UNC5C: variants seen among roughly 807,000 people sequenced by gnomAD.
UNC5C encodes the protein netrin receptor UNC5C.
UNC5C carries 47 observed loss-of-function variants against 99.8 expected under a neutral mutation model. The observed-to-expected ratio is 0.47, with a 90% CI of 0.37 to 0.60. The LOEUF (loss-of-function observed/expected upper bound fraction) is 0.60, where lower values mean the gene tolerates loss of function less well. Among genes scored for constraint, UNC5C ranks in the 20% least tolerant of loss-of-function variants. UNC5C has a pLI of 0.00. For synonymous variants in UNC5C, 487 were observed against 452.2 expected, an observed-to-expected ratio of 1.08 and a Z score of -0.98; for missense variants, 1,062 against 1,165.9, an observed-to-expected ratio of 0.91 and a Z score of 1.30.
At chr4:95,392,429 CATTTTT>C (rs1560816452) in intron 1 of UNC5C, among the ~76,000 whole-genome samples, 80 of 115,336 alleles carry the variant, frequency 6.9e-4, no homozygotes, top group Middle Eastern at 4.0e-3. Context: ...AGTATCAAAA[CATTTTT>C]TTTTTTTTTA....
At chr4:95,316,787 C>T (rs1220866349) in intron 2 of UNC5C, among the ~76,000 whole-genome samples, 1 of 152,032 alleles carries the variant, frequency 6.6e-6, no homozygotes, top group Non-Finnish European at 1.5e-5. Flanking sequence ...AAATGTCAAT[C>T]CATCCCACCT....
intron 1 of UNC5C, among the ~76,000 whole-genome samples, chr4:95,448,219 T>TGAGA (rs1747167365): frequency 1.0e-3 from 99 of 98,770 alleles, no homozygotes; most frequent in African/African-American, 3.5e-3. Flanking sequence ...TGTGTGTGTG[T>TGAGA]GTGTGTGTGA....
chr4:95,198,970 G>A (rs892238661), intron 12 of UNC5C, among the ~76,000 whole-genome samples: 1 of 152,120 alleles, frequency 6.6e-6, no homozygotes, highest in African/African-American at 2.4e-5. Context: ...AAAATAAAAT[G>A]CCCCAATACC....
At chr4:95,437,385 A>G (rs1005830175) in intron 1 of UNC5C, among the ~76,000 whole-genome samples, 6 of 151,980 alleles carry the variant, frequency 3.9e-5, no homozygotes, top group Non-Finnish European at 8.8e-5. Context: ...ATTAAGACCA[A>G]TAATTCCATT....
rs1736023992 is a variant in UNC5C, at chr4:95,170,002, A to G, written c.2630+152T>C. ...TCTTTGCAAGCCCGTAGTGCAAGGT[A>G]CAAGGACAGAGCTTAATGCATATTT... On this transcript the variant is annotated intron_variant, in intron 15 of 15. Coordinates refer to ENST00000453304, the MANE Select transcript of UNC5C (RefSeq NM_003728.4). 7 of 962,364 alleles carry G rather than the reference A, an allele frequency of 7.3e-6. No homozygotes were observed. In the East Asian group the frequency reaches 1.0e-4, roughly 14 times the overall value. The allele number at this position is 962,364 out of a possible 1,614,324, so 59.6% of individuals were successfully genotyped here.
At chr4:95,360,727 CTCT>C (rs1033291068) in intron 1 of UNC5C, among the ~76,000 whole-genome samples, 3 of 152,168 alleles carry the variant, frequency 2.0e-5, no homozygotes, top group African/African-American at 4.8e-5. Flanking sequence ...TAACTCTGGC[CTCT>C]TGTGTTTCAG....
chr4:95,272,345 A>G (rs1740692891), intron 4 of UNC5C, among the ~76,000 whole-genome samples: 1 of 152,226 alleles, frequency 6.6e-6, no homozygotes, highest in South Asian at 2.1e-4. Context: ...TAAAGCAACC[A>G]CTAAGTACAT....
intron 1 of UNC5C, among the ~76,000 whole-genome samples, chr4:95,396,388 TAC>T (rs1745510659): frequency 6.6e-6 from 1 of 152,170 alleles, no homozygotes; most frequent in Non-Finnish European, 1.5e-5. Flanking sequence ...AGAAATGATA[TAC>T]ATTTTCTTTT....
chr4:95,408,341 A>G (rs750428786), intron 1 of UNC5C, among the ~76,000 whole-genome samples: 11 of 152,310 alleles, frequency 7.2e-5, no homozygotes, highest in Non-Finnish European at 1.2e-4. Context: ...TGTCTATAAG[A>G]TACCAAAATT....
chr4:95,214,926 T>C (rs576637888), intron 10 of UNC5C, among the ~76,000 whole-genome samples: 2 of 152,324 alleles, frequency 1.3e-5, no homozygotes, highest in African/African-American at 4.8e-5. Context: ...GAATATTTGA[T>C]GTGGGTAAAT....
intron 1 of UNC5C, among the ~76,000 whole-genome samples, chr4:95,360,169 C>G (rs6848909): frequency 0.13 from 20,307 of 152,044 alleles, 1,599 homozygotes; most frequent in African/African-American, 0.2. Context: ...TTCAACAATA[C>G]GTTTATACAT....
intron 1 of UNC5C, among the ~76,000 whole-genome samples, chr4:95,433,307 T>TA (rs930301224): frequency 2.0e-5 from 3 of 152,112 alleles, no homozygotes; most frequent in African/African-American, 4.8e-5. Context: ...TCCATAAAAA[T>TA]AAAAAATCAC....
chr4:95,337,147 T>C (rs1461820939), intron 1 of UNC5C, among the ~76,000 whole-genome samples: 1 of 151,866 alleles, frequency 6.6e-6, no homozygotes, highest in East Asian at 1.9e-4. Context: ...TCAATAAAGC[T>C]CCGCAAAACA....
At chr4:95,513,946 T>C (rs1213875922) in intron 1 of UNC5C, among the ~76,000 whole-genome samples, 1 of 152,174 alleles carries the variant, frequency 6.6e-6, no homozygotes, top group Non-Finnish European at 1.5e-5. Flanking sequence ...GCCCATCACT[T>C]GAATAATTTG....
chr4:95,175,153 G>A (rs1736283391), intron 14 of UNC5C, among the ~76,000 whole-genome samples: 1 of 151,266 alleles, frequency 6.6e-6, no homozygotes, highest in South Asian at 2.1e-4. Flanking sequence ...ACGTGAGATG[G>A]GTTTCCTGAA....
At chr4:95,262,876 G>A (rs1040360103) in intron 4 of UNC5C, among the ~76,000 whole-genome samples, 5 of 151,730 alleles carry the variant, frequency 3.3e-5, no homozygotes, top group East Asian at 1.9e-4. Context: ...GTGCAATGGC[G>A]TGATCTTGGC....
intron 12 of UNC5C, among the ~76,000 whole-genome samples, chr4:95,190,203 A>G (rs1220194290): frequency 3.9e-5 from 6 of 152,202 alleles, no homozygotes; most frequent in Middle Eastern, 3.2e-3. Context: ...ACATGGATGA[A>G]GCTGGAAACC....
At chr4:95,516,788 C>A (rs1006709413) in intron 1 of UNC5C, among the ~76,000 whole-genome samples, 1 of 152,110 alleles carries the variant, frequency 6.6e-6, no homozygotes, top group African/African-American at 2.4e-5. Flanking sequence ...GAGAGCCAAG[C>A]AACAGAAGGC....
chr4:95,484,697 T>C (rs1419183434), intron 1 of UNC5C, among the ~76,000 whole-genome samples: 2 of 151,832 alleles, frequency 1.3e-5, no homozygotes, highest in African/African-American at 4.8e-5. Context: ...TGCATAATAT[T>C]TTGGTGTTAA....
Sources: gnomAD v4.1 joint callset for allele counts (sites outside exome capture counted in the v4.1 genomes callset) on GRCh38, gnomAD v4.1.1 for gene constraint, MANE v1.5 for transcripts, NCBI Gene and HGNC (gene_info 2026-07-23, HGNC 2026-07-21) for gene names.